Variants in CEP112 observed in about 807,000 individuals in gnomAD.
CEP112 encodes centrosomal protein of 112 kDa.
In CEP112, 127 loss-of-function variants were observed where a neutral mutation model predicts 153.0. That is an observed-to-expected ratio of 0.83 (90% CI 0.72 to 0.96). CEP112 has a LOEUF of 0.96. Among genes scored for constraint, CEP112 ranks in the 40% least tolerant of loss-of-function variants. The pLI is 0.00. For synonymous variants in CEP112, 358 were observed against 374.4 expected (o/e 0.96, Z 0.51); for missense variants, 1,089 against 1,101.2 (o/e 0.99, Z 0.16).
intron 20 of CEP112, among the ~76,000 whole-genome samples, chr17:65,887,680 G>C (rs1000244166): frequency 6.6e-6 from 1 of 152,190 alleles, no homozygotes; most frequent in Non-Finnish European, 1.5e-5. Flanking sequence ...CGCAAGATCA[G>C]GCAAGAGACC....
chr17:66,146,568 G>T (rs1598435589), intron 4 of CEP112, among the ~76,000 whole-genome samples: 1 of 152,040 alleles, frequency 6.6e-6, no homozygotes, highest in Non-Finnish European at 1.5e-5. Flanking sequence ...ACGGTTCAGT[G>T]GTATTAAGTA....
intron 21 of CEP112, among the ~76,000 whole-genome samples, chr17:65,820,239 C>G (rs1461786962): frequency 6.6e-6 from 1 of 152,020 alleles, no homozygotes; most frequent in Non-Finnish European, 1.5e-5. Context: ...TCAGAAAATT[C>G]TTCATATCTA....
intron 9 of CEP112, 140 bp from the exon 10 acceptor site, chr17:66,067,017 ACACACACAC>A (rs2067147494): frequency 5.1e-3 from 3 of 586 alleles, no homozygotes; most frequent in Admixed American, 0.091. Flanking sequence ...GAAATTATAA[ACACACACAC>A]ACACACACAC....
chr17:65,714,839 T>C (rs1453546141), intron 23 of CEP112, among the ~76,000 whole-genome samples: 3 of 152,164 alleles, frequency 2.0e-5, no homozygotes, highest in African/African-American at 7.2e-5. Context: ...TTAGGGCACA[T>C]GTAGGTACAA....
At chr17:65,700,100 T>TTCC (rs375401274) in intron 23 of CEP112, among the ~76,000 whole-genome samples, 16,177 of 151,182 alleles carry the variant, frequency 0.11, 1,004 homozygotes, top group Admixed American at 0.19. Context: ...CCTCCTCCTC[T>TTCC]TCCTCCTCCT....
At chr17:65,856,290 C>A (rs936905714) in intron 20 of CEP112, among the ~76,000 whole-genome samples, 54 of 151,974 alleles carry the variant, frequency 3.6e-4, no homozygotes, top group Non-Finnish European at 7.1e-4. Context: ...GATAATAATA[C>A]AGAAAATGTA....
rs372546649 is a variant in CEP112 at position 66,000,492 on chromosome 17, T to TACA, written c.1736+5197_1736+5198insTGT. Among the ~76,000 whole-genome samples, 18 of 139,840 alleles carry TACA rather than the reference T, an allele frequency of 1.3e-4. No individual in the cohort carries two copies. In the Admixed American group the frequency reaches 1.3e-3, roughly 10 times the overall value. 91.7% of individuals were successfully genotyped at this position (139,840 alleles called of 152,430 possible). On this transcript the variant is annotated intron_variant, in intron 17 of 26. Coordinates refer to ENST00000535342, the MANE Select transcript of CEP112 (RefSeq NM_001199165.4). ...TTACTAGAGCAACTTGTCAGTAGAT[T>TACA]AAAAAAAAAAAAAAAGGATAACCTT... is the stretch of plus-strand genomic sequence containing the variant.
chr17:65,884,268 G>C (rs1008272937), intron 20 of CEP112, among the ~76,000 whole-genome samples: 4 of 152,192 alleles, frequency 2.6e-5, no homozygotes, highest in African/African-American at 9.7e-5. Context: ...GGAAAACTGG[G>C]AAGATACAGA....
Position 66,173,181 on chromosome 17 carries a change from C to A in CEP112, c.470+1863G>T, listed in dbSNP as rs192763234. ...AACCCTACTTAAAGGGGAAAAAAAA[C>A]CTCAAGCTCAATAACAGATGCAATA... On this transcript the variant is annotated intron_variant, in intron 4 of 26. Transcript: ENST00000535342. 2.8e-3 allele frequency among the ~76,000 whole-genome samples: 427 copies of A among 152,160 alleles called. 2 individuals are homozygous for A. Among genetic ancestry groups the A allele is most frequent in the African/African-American group, 9.5e-3 (394 of 41,502 alleles).
At chr17:66,161,768 A>G (rs2071718383) in intron 4 of CEP112, among the ~76,000 whole-genome samples, 2 of 152,128 alleles carry the variant, frequency 1.3e-5, no homozygotes, top group African/African-American at 2.4e-5. Flanking sequence ...CCACCGTGGC[A>G]TGTGTATACC....
chr17:65,970,758 G>T (rs971041515), intron 17 of CEP112, among the ~76,000 whole-genome samples: 6 of 48,122 alleles, frequency 1.2e-4, no homozygotes, highest in East Asian at 6.7e-3. Flanking sequence ...GCACATTACA[G>T]GTATGTTACA....
chr17:66,047,572 T>C (rs1325894682), intron 12 of CEP112, among the ~76,000 whole-genome samples: 1 of 152,228 alleles, frequency 6.6e-6, no homozygotes, highest in African/African-American at 2.4e-5. Context: ...CTTGTATATC[T>C]TTTTGCAATA....
intron 4 of CEP112, among the ~76,000 whole-genome samples, chr17:66,137,199 A>G (rs1451217967): frequency 6.6e-6 from 1 of 152,150 alleles, no homozygotes; most frequent in African/African-American, 2.4e-5. Context: ...AACTGAACTA[A>G]AAACTTAACT....
At chr17:66,142,097 T>C (rs1165016453) in intron 4 of CEP112, among the ~76,000 whole-genome samples, 1 of 152,182 alleles carries the variant, frequency 6.6e-6, no homozygotes, top group African/African-American at 2.4e-5. Context: ...TGATAGCTCA[T>C]GTGGTTTTGA....
At chr17:66,037,117 C>A (rs2065772040) in intron 12 of CEP112, among the ~76,000 whole-genome samples, 1 of 152,080 alleles carries the variant, frequency 6.6e-6, no homozygotes, top group Non-Finnish European at 1.5e-5. Context: ...GCTAAAGGAA[C>A]AGACCAGTAG....
intron 24 of CEP112, among the ~76,000 whole-genome samples, chr17:65,659,015 C>CAAAAAAAAAAAAA (rs777326885): frequency 1.8e-5 from 1 of 55,578 alleles, no homozygotes; most frequent in African/African-American, 5.8e-5. Flanking sequence ...GACTCTGTCT[C>CAAAAAAAAAAAAA]AAAAAAAAAA....
At chr17:66,072,626 G>A (rs2067345799) in intron 8 of CEP112, among the ~76,000 whole-genome samples, 1 of 152,130 alleles carries the variant, frequency 6.6e-6, no homozygotes, top group Admixed American at 6.5e-5. Flanking sequence ...ATTAGAAGGA[G>A]GCTAGTTTGT....
chr17:65,672,881 T>C (rs1037715214), intron 24 of CEP112, among the ~76,000 whole-genome samples: 2 of 152,204 alleles, frequency 1.3e-5, no homozygotes, highest in Admixed American at 6.5e-5. Context: ...AGTCAATACA[T>C]GGTATTAGTA....
At chr17:65,822,559 TGATCCACG>T (rs1349527642) in intron 21 of CEP112, among the ~76,000 whole-genome samples, 2 of 152,194 alleles carry the variant, frequency 1.3e-5, no homozygotes, top group Non-Finnish European at 2.9e-5. Flanking sequence ...AAAACATTTT[TGATCCACG>T]GTTGGTTGAA....
Sources: gnomAD v4.1 joint callset for allele counts (sites outside exome capture counted in the v4.1 genomes callset) on GRCh38, gnomAD v4.1.1 for gene constraint, MANE v1.5 for transcripts, NCBI Gene and HGNC (gene_info 2026-07-23, HGNC 2026-07-21) for gene names.